The following KCNIP4 variants were observed in gnomAD, a reference collection of about 807,000 sequenced individuals.
The protein encoded by KCNIP4 is potassium voltage-gated channel interacting protein 4, also known as Kv channel-interacting protein 4.
In KCNIP4, 12 loss-of-function variants were observed where a neutral mutation model predicts 34.0. That is an observed-to-expected ratio of 0.35 (90% CI 0.23 to 0.57). The LOEUF is 0.57. KCNIP4 is among the 20% of genes least tolerant of loss of function. The pLI is 0.83. For synonymous variants in KCNIP4, 124 were observed against 102.2 expected (o/e 1.21, Z -1.29); for missense variants, 238 against 311.7 (o/e 0.76, Z 1.78).
At chr4:21,713,579 G>A (rs1354015643) in intron 1 of KCNIP4, among the ~76,000 whole-genome samples, 1 of 152,168 alleles carries the variant, frequency 6.6e-6, no homozygotes, top group Non-Finnish European at 1.5e-5. Flanking sequence ...ATCACCTCGA[G>A]TATTTGTCAT....
intron 1 of KCNIP4, among the ~76,000 whole-genome samples, chr4:20,910,991 A>C (rs1191719342): frequency 6.6e-6 from 1 of 152,164 alleles, no homozygotes; most frequent in African/African-American, 2.4e-5. Flanking sequence ...TAATCTGGGA[A>C]ACTCACATTG....
At chr4:21,026,096 A>C (rs1325258251) in intron 1 of KCNIP4, among the ~76,000 whole-genome samples, 1 of 152,152 alleles carries the variant, frequency 6.6e-6, no homozygotes, top group Non-Finnish European at 1.5e-5. Flanking sequence ...GATAACCCAT[A>C]ATGAGGCAAC....
intron 1 of KCNIP4, among the ~76,000 whole-genome samples, chr4:21,673,040 G>A (rs1037531288): frequency 2.0e-5 from 3 of 152,172 alleles, no homozygotes; most frequent in African/African-American, 7.2e-5. Context: ...AATAAATACT[G>A]CAGCACTTTT....
intron 1 of KCNIP4, among the ~76,000 whole-genome samples, chr4:21,105,609 C>A: frequency 6.6e-6 from 1 of 151,618 alleles, no homozygotes; most frequent in Non-Finnish European, 1.5e-5. Context: ...CCTAATTGCC[C>A]TGGCCAGAAC....
intron 1 of KCNIP4, among the ~76,000 whole-genome samples, chr4:20,888,357 A>G (rs903209001): frequency 1.3e-5 from 2 of 152,178 alleles, no homozygotes; most frequent in African/African-American, 4.8e-5. Context: ...AAATCAGACT[A>G]TATATCTTTT....
At chr4:21,449,578 C>T (rs955527465) in intron 1 of KCNIP4, among the ~76,000 whole-genome samples, 10 of 151,320 alleles carry the variant, frequency 6.6e-5, no homozygotes, top group Admixed American at 4.6e-4. Context: ...TTATTTTTTC[C>T]ACATCTCCAT....
chr4:21,073,132 C>A (rs1745135331), intron 1 of KCNIP4, among the ~76,000 whole-genome samples: 1 of 152,092 alleles, frequency 6.6e-6, no homozygotes, highest in Non-Finnish European at 1.5e-5. Flanking sequence ...AATGTGGGCT[C>A]TTTTTTGGTT....
At chr4:21,460,243 A>T (rs919187570) in intron 1 of KCNIP4, among the ~76,000 whole-genome samples, 2 of 151,560 alleles carry the variant, frequency 1.3e-5, no homozygotes, top group Admixed American at 6.6e-5. Flanking sequence ...CATTCCCCCA[A>T]TCCCTTACCC....
At chr4:20,999,125 C>A (rs1577509818) in intron 1 of KCNIP4, among the ~76,000 whole-genome samples, 1 of 152,174 alleles carries the variant, frequency 6.6e-6, no homozygotes, top group Admixed American at 6.5e-5. Context: ...ATCATCTGAA[C>A]AGAGCTCTTA....
intron 1 of KCNIP4, among the ~76,000 whole-genome samples, chr4:21,479,269 A>C (rs1560445983): frequency 6.6e-6 from 1 of 152,236 alleles, no homozygotes; most frequent in Non-Finnish European, 1.5e-5. Context: ...AACATAAAGC[A>C]AAATGGAAAA....
chr4:21,871,995 A>G (rs1725850154), intron 1 of KCNIP4, among the ~76,000 whole-genome samples: 1 of 151,996 alleles, frequency 6.6e-6, no homozygotes, highest in Admixed American at 6.6e-5. Context: ...CGTTTTAACA[A>G]GTGTCTGAAT....
rs1724626459 is a variant in KCNIP4 at position 21,412,872 on chromosome 4, C to G, written c.62-530163G>C. ...GCATCCTTTAAGATTGTAGGTCATG[C>G]TGACATTGGTATACAAGCATTCCTC... On this transcript the variant is annotated intron_variant, in intron 1 of 8. Transcript: ENST00000382152. Among the ~76,000 whole-genome samples, 3 of 152,200 alleles carry G rather than the reference C, an allele frequency of 2.0e-5. No homozygotes were observed. In the South Asian group the frequency reaches 6.2e-4, roughly 32 times the overall value.
At chr4:21,222,022 AG>A (rs1758015732) in intron 1 of KCNIP4, among the ~76,000 whole-genome samples, 1 of 152,214 alleles carries the variant, frequency 6.6e-6, no homozygotes, top group South Asian at 2.1e-4. Context: ...TTGATGAAAA[AG>A]CCCTGTATCT....
intron 1 of KCNIP4, among the ~76,000 whole-genome samples, chr4:21,041,039 T>C (rs1484495453): frequency 6.6e-6 from 1 of 152,026 alleles, no homozygotes; most frequent in East Asian, 1.9e-4. Flanking sequence ...TTGTCTTCTA[T>C]AGCCTTTAAC....
chr4:21,368,509 C>T (rs1720020270), intron 1 of KCNIP4, among the ~76,000 whole-genome samples: 1 of 147,102 alleles, frequency 6.8e-6, no homozygotes, highest in Non-Finnish European at 1.5e-5. Context: ...ATACTAAATC[C>T]AATTATTAGT....
intron 1 of KCNIP4, among the ~76,000 whole-genome samples, chr4:21,310,119 G>A (rs571308261): frequency 1.6e-4 from 25 of 152,080 alleles, no homozygotes; most frequent in South Asian, 4.1e-4. Context: ...AACTTCCACC[G>A]CCTCCCAGGT....
At position 21,948,481 on chromosome 4, in the gene KCNIP4, C is replaced by T; in HGVS notation, c.61+90G>A. On this transcript the variant is annotated intron_variant, in intron 1 of 8. Coordinates refer to ENST00000382152, the MANE Select transcript of KCNIP4 (RefSeq NM_025221.6). ...CATGCAGCGAAGGCAACAAGCGTCCCCAGCCGAGGAAGGGAAGGGGCAGCC... is the reference window on the plus strand; with the variant it reads ...CATGCAGCGAAGGCAACAAGCGTCCTCAGCCGAGGAAGGGAAGGGGCAGCC... The T allele has an allele frequency of 4.2e-6, 6 of 1,419,120 alleles. No individual in the cohort carries two copies. The South Asian group carries it at 7.9e-5, about 19-fold the overall frequency. 87.9% of individuals were successfully genotyped at this position (1,419,120 alleles called of 1,614,324 possible). A position where few individuals can be genotyped will look rare whatever the true frequency, so the allele number is the denominator to read the frequency against.
Position 21,696,060 on chromosome 4 carries a change from A to T in KCNIP4, c.61+252511T>A, listed in dbSNP as rs1330651691. On this transcript the variant is annotated intron_variant, in intron 1 of 8. Transcript: ENST00000382152. ...GACTCTCAATGATTATTCCTTAAAG[A>T]ATATCCAAAGTCACCACAATTCACA... is the stretch of plus-strand genomic sequence containing the variant. 3.9e-5 allele frequency among the ~76,000 whole-genome samples: 6 copies of T among 152,130 alleles called. No individual in the cohort carries two copies. In the East Asian group the frequency reaches 1.2e-3, roughly 29 times the overall value.
At chr4:21,005,833 C>T (rs1424136825) in intron 1 of KCNIP4, among the ~76,000 whole-genome samples, 1 of 152,172 alleles carries the variant, frequency 6.6e-6, no homozygotes, top group Non-Finnish European at 1.5e-5. Context: ...TATTTAATTA[C>T]AGCAGCATCT....
Sources: allele counts gnomAD v4.1 joint callset (sites outside exome capture counted in the v4.1 genomes callset), GRCh38; gene constraint gnomAD v4.1.1; transcripts MANE v1.5; gene names NCBI Gene and HGNC (gene_info 2026-07-23, HGNC 2026-07-21).